TM9SF3: variants seen among roughly 807,000 people sequenced by gnomAD.
TM9SF3 encodes transmembrane 9 superfamily member 3, also known as SM-11044-binding protein.
Under a neutral mutation model 78.6 loss-of-function variants are expected in TM9SF3, and 14 were observed. The ratio of observed to expected loss-of-function variants is 0.18; its 90% CI spans 0.12 to 0.28. TM9SF3 has a LOEUF of 0.28. Among genes scored for constraint, TM9SF3 ranks in the 10% least tolerant of loss-of-function variants. The probability of loss-of-function intolerance (pLI) is 1.00; values close to 1 mark genes in which losing one functional copy is unlikely to be tolerated. For missense variants in TM9SF3, 496 were observed against 721.9 expected (o/e 0.69, Z 3.59); for synonymous variants, 231 against 241.7 (o/e 0.96, Z 0.41).
chr10:96,568,612 G>C (rs1443708786), intron 2 of TM9SF3, among the ~76,000 whole-genome samples: 1 of 152,122 alleles, frequency 6.6e-6, no homozygotes, highest in Non-Finnish European at 1.5e-5. Flanking sequence ...AGTTCTCTAA[G>C]AACACAGTAT....
Position 96,521,013 on chromosome 10 carries a change from C to A in TM9SF3, c.*1250G>T, listed in dbSNP as rs574388535. On this transcript the variant is annotated 3_prime_UTR_variant, in exon 15 of 15. Coordinates refer to ENST00000371142, the MANE Select transcript of TM9SF3 (RefSeq NM_020123.4). ...GGTCAGGAAATTTTATTTGAACATT[C>A]TAAAGCAATAATGCTTTAGATGTTA... 2 of 395,480 alleles carry A rather than the reference C, an allele frequency of 5.1e-6. No individual in the cohort carries two copies. Among genetic ancestry groups the A allele is most frequent in the South Asian group, 2.6e-4 (2 of 7,772 alleles). 24.5% of individuals were successfully genotyped at this position (395,480 alleles called of 1,614,324 possible).
chr10:96,538,567 CA>C (rs1433684130), intron 9 of TM9SF3, among the ~76,000 whole-genome samples: 1 of 151,916 alleles, frequency 6.6e-6, no homozygotes, highest in Non-Finnish European at 1.5e-5. Flanking sequence ...TTTTGCCCTT[CA>C]AAAAATACTC....
At chr10:96,526,302 GCT>G (rs1253683081) in intron 14 of TM9SF3, among the ~76,000 whole-genome samples, 1 of 151,992 alleles carries the variant, frequency 6.6e-6, no homozygotes, top group Non-Finnish European at 1.5e-5. Flanking sequence ...TACACTTGGT[GCT>G]TTACACACAT....
chr10:96,560,916 A>C, intron 4 of TM9SF3: 1 of 517,498 alleles, frequency 1.9e-6, no homozygotes, highest in Non-Finnish European at 3.7e-6. Flanking sequence ...GTATACAAAA[A>C]GTGCATTGAA....
At chr10:96,533,542 T>C (rs1022858904) in intron 9 of TM9SF3, among the ~76,000 whole-genome samples, 1 of 152,218 alleles carries the variant, frequency 6.6e-6, no homozygotes, top group Non-Finnish European at 1.5e-5. Context: ...AACTTACTTA[T>C]CTGGCTATGC....
rs747071363 is a variant in TM9SF3 at position 96,551,234 on chromosome 10, T to C, written c.959+11A>G. Reference sequence around the variant, plus strand: ...AATAAAGACATAATACAGTTAAGTGTAGGCACTTACTCAGTATATAAATCT... The same window carrying C: ...AATAAAGACATAATACAGTTAAGTGCAGGCACTTACTCAGTATATAAATCT... On this transcript the variant is annotated intron_variant, in intron 7 of 14. Coordinates refer to ENST00000371142, the MANE Select transcript of TM9SF3 (RefSeq NM_020123.4). The C allele has an allele frequency of 6.3e-7, 1 of 1,595,228 alleles. No individual in the cohort carries two copies. Among genetic ancestry groups the C allele is most frequent in the Non-Finnish European group, 8.6e-7 (1 of 1,168,600 alleles).
chr10:96,579,421 G>C (rs570107263), intron 1 of TM9SF3, among the ~76,000 whole-genome samples: 53 of 152,194 alleles, frequency 3.5e-4, no homozygotes, highest in African/African-American at 1.2e-3. Flanking sequence ...TTTAAAAATA[G>C]ACAACATTTT....
At chr10:96,529,125 TA>T (rs1847869222) in intron 11 of TM9SF3, among the ~76,000 whole-genome samples, 1 of 152,118 alleles carries the variant, frequency 6.6e-6, no homozygotes, top group African/African-American at 2.4e-5. Context: ...CAAGTCTGAA[TA>T]AAGGCACAAA....
chr10:96,560,193 T>G (rs759029390), intron 4 of TM9SF3: 165 of 1,005,726 alleles, frequency 1.6e-4, no homozygotes, highest in African/African-American at 7.1e-4. Context: ...CCATGGAAGA[T>G]TCGATGGACA....
chr10:96,558,859 A>C (rs2134148640), intron 5 of TM9SF3, among the ~76,000 whole-genome samples: 1 of 152,282 alleles, frequency 6.6e-6, no homozygotes. Context: ...GATCAAAAGA[A>C]AGAAGCAACA....
Position 96,559,702 on chromosome 10 carries a change from T to G in TM9SF3, c.617A>C (p.Asp206Ala), listed in dbSNP as rs1374286118. The G allele has an allele frequency of 6.3e-7, 1 of 1,593,846 alleles. No homozygotes were observed. The highest frequency in any genetic ancestry group is 1.3e-5 in the African/African-American group (1 of 74,686). The change falls in exon 5 of 15, where the codon GAT becomes GCT. Residue 206 changes from aspartate (D) to alanine (A), a missense_variant. By Grantham distance (126) the Asp-to-Ala change is moderately radical. Coordinates refer to ENST00000371142, the MANE Select transcript of TM9SF3 (RefSeq NM_020123.4). The part of the protein sequence containing the change: ...KWKKSDVKFE[D>A]RFDKYLDPSF... The stretch of plus-strand genomic sequence containing the variant: ...CGGATCAAGATATTTGTCAAATCGA[T>G]CTTCAAATTTCACATCTGACTTTTT...
chr10:96,536,907 T>C (rs1348041580), intron 9 of TM9SF3, among the ~76,000 whole-genome samples: 1 of 152,248 alleles, frequency 6.6e-6, no homozygotes, highest in Admixed American at 6.5e-5. Context: ...GTGATCCTTC[T>C]GCCTCAGCCT....
Position 96,550,319 on chromosome 10 carries a change from C to G in TM9SF3, c.959+926G>C, listed in dbSNP as rs544054679. 5.9e-5 allele frequency among the ~76,000 whole-genome samples: 9 copies of G among 152,222 alleles called. No individual in the cohort carries two copies. The East Asian group carries it at 1.7e-3, about 29-fold the overall frequency. On this transcript the variant is annotated intron_variant, in intron 7 of 14. Transcript: ENST00000371142. ...TCCTTACTCTCAAGGAACTTACTAT[C>G]TAGCAGAGGAAACAAATATTTAGTA... is the stretch of plus-strand genomic sequence containing the variant.
At chr10:96,527,960 T>C in intron 12 of TM9SF3, 71 bp downstream of exon 12, 19 of 1,475,818 alleles carry the variant, frequency 1.3e-5, no homozygotes, top group East Asian at 2.3e-5. Flanking sequence ...CTCCACTTGA[T>C]AGATTTCAAA....
intron 4 of TM9SF3, chr10:96,560,739 G>A: frequency 3.5e-6 from 2 of 573,168 alleles, no homozygotes; most frequent in Non-Finnish European, 3.4e-6. Context: ...ATCTACATGA[G>A]ATAATCCAGC....
chr10:96,547,184 C>T (rs1326726618), intron 8 of TM9SF3, among the ~76,000 whole-genome samples: 1 of 152,162 alleles, frequency 6.6e-6, no homozygotes, highest in African/African-American at 2.4e-5. Context: ...ATAAAACTAA[C>T]AGTCAACAGA....
chr10:96,582,667 A>T lies in TM9SF3; in HGVS notation c.102+4067T>A, dbSNP rs367697777. Among the ~76,000 whole-genome samples the T allele has an allele frequency of 2.0e-5, 3 of 152,262 alleles. No individual in the cohort carries two copies. In the East Asian group the frequency reaches 5.8e-4, roughly 29 times the overall value. On this transcript the variant is annotated intron_variant, in intron 1 of 14. Coordinates refer to ENST00000371142, the MANE Select transcript of TM9SF3 (RefSeq NM_020123.4). ...TATGATTCAACTTTTAAAAATTAAA[A>T]GGAACACATTTTTACATATTCTAGA...
intron 1 of TM9SF3, 104 bp from the exon 2 acceptor site, chr10:96,576,933 C>A (rs1848503925): frequency 2.4e-6 from 2 of 838,552 alleles, no homozygotes; most frequent in South Asian, 6.1e-5. Context: ...CATCTCTGTT[C>A]AGGAAGCTAT....
At chr10:96,532,215 T>C (rs1485131862) in intron 10 of TM9SF3, among the ~76,000 whole-genome samples, 1 of 150,856 alleles carries the variant, frequency 6.6e-6, no homozygotes, top group Non-Finnish European at 1.5e-5. Flanking sequence ...ATCTCAAAAA[T>C]AATAATAATA....
Sources: allele counts gnomAD v4.1 joint callset (sites outside exome capture counted in the v4.1 genomes callset), GRCh38; gene constraint gnomAD v4.1.1; transcripts MANE v1.5; gene names NCBI Gene and HGNC (gene_info 2026-07-23, HGNC 2026-07-21).